The following DMD variants were observed in gnomAD, a reference collection of about 807,000 sequenced individuals.
DMD encodes mutant dystrophin.
In DMD, 63 loss-of-function variants were observed where a neutral mutation model predicts 330.1. The ratio of observed to expected loss-of-function variants is 0.19; its 90% CI spans 0.16 to 0.24. DMD has a LOEUF of 0.24. Ranked by LOEUF, DMD falls within the 10% of genes least tolerant of loss-of-function variation. DMD has a pLI of 1.00. For missense variants in DMD, 3,344 were observed against 2,684.1 expected (o/e 1.25, Z -5.43); for synonymous variants, 1,223 against 959.8 (o/e 1.27, Z -5.07).
intron 16 of DMD, among the ~76,000 whole-genome samples, chrX:32,557,207 G>A (rs2050401184): frequency 1.8e-5 from 2 of 111,373 alleles, no homozygotes; most frequent in African/African-American, 6.5e-5. Context: ...ATCCAAGTCT[G>A]AATGTTCATT....
intron 1 of DMD, among the ~76,000 whole-genome samples, chrX:33,188,470 A>T (rs924126169): frequency 1.6e-4 from 18 of 110,259 alleles, no homozygotes; most frequent in African/African-American, 5.6e-4. Flanking sequence ...CACTACAATC[A>T]TACTGACAGC....
At chrX:32,450,998 G>A (rs1418683990) in intron 26 of DMD, among the ~76,000 whole-genome samples, 2 of 110,857 alleles carry the variant, frequency 1.8e-5, no homozygotes, top group Non-Finnish European at 3.8e-5. Context: ...TAAATGACTG[G>A]TACAGTTTCT....
At chrX:32,259,427 C>G (rs192141085) in intron 43 of DMD, among the ~76,000 whole-genome samples, 1 of 110,684 alleles carries the variant, frequency 9.0e-6, no homozygotes, top group African/African-American at 3.3e-5. Context: ...TTTACTTCAA[C>G]GTTGTAAATT....
At chrX:33,060,257 G>A (rs2094566473) in intron 1 of DMD, among the ~76,000 whole-genome samples, 1 of 111,048 alleles carries the variant, frequency 9.0e-6, no homozygotes, top group African/African-American at 3.3e-5. Context: ...ATGGGTAAGG[G>A]AGACTCCTGC....
At position 32,005,188 on chromosome X, in the gene DMD, C is replaced by T. The variant is rs952758578; in HGVS notation, c.6439-36674G>A. On this transcript the variant is annotated intron_variant, in intron 44 of 78. Transcript: ENST00000357033. Reference sequence around the variant, plus strand: ...TCTTACCTTATCTCCCAGAGCATATCTAGCCTTTCCAACATGGCTCCCAGT... The same window carrying T: ...TCTTACCTTATCTCCCAGAGCATATTTAGCCTTTCCAACATGGCTCCCAGT... 4.5e-5 allele frequency among the ~76,000 whole-genome samples: 5 copies of T among 111,871 alleles called. No homozygotes were observed. The South Asian group carries it at 1.9e-3, about 42-fold the overall frequency.
intron 17 of DMD, among the ~76,000 whole-genome samples, chrX:32,533,652 T>C (rs761227844): frequency 8.9e-6 from 1 of 112,381 alleles, no homozygotes; most frequent in South Asian, 3.7e-4. Flanking sequence ...TGGAGTGTTT[T>C]ACATACCATA....
intron 60 of DMD, among the ~76,000 whole-genome samples, chrX:31,376,894 G>GA (rs775804794): frequency 6.3e-5 from 7 of 111,725 alleles, no homozygotes; most frequent in Non-Finnish European, 1.3e-4. Context: ...AGAGAGCTTG[G>GA]TCCCCTGGAA....
At chrX:31,642,343 A>G (rs2079817796) in intron 54 of DMD, among the ~76,000 whole-genome samples, 2 of 112,229 alleles carry the variant, frequency 1.8e-5, no homozygotes, top group South Asian at 7.4e-4. Context: ...GGAAACTGAA[A>G]TAGAAATCCT....
At chrX:33,317,332 A>G (rs953832771) in intron 1 of DMD, among the ~76,000 whole-genome samples, 2 of 111,606 alleles carry the variant, frequency 1.8e-5, no homozygotes, top group East Asian at 2.8e-4. Flanking sequence ...TATTAAGTGT[A>G]TATTATTATA....
At position 31,866,972 on chromosome X, in the gene DMD, G is replaced by A. The variant is rs1373566057; in HGVS notation, c.7098+8216C>T. Among the ~76,000 whole-genome samples, 5 of 110,555 alleles carry A rather than the reference G, an allele frequency of 4.5e-5. No individual in the cohort carries two copies. In the Admixed American group the frequency reaches 4.8e-4, roughly 11 times the overall value. ...TTACAAATGACCCTTAGTATCAACA[G>A]TGTATTGATCAAAAATGAGTTGTAG... On this transcript the variant is annotated intron_variant, in intron 48 of 78. Transcript: ENST00000357033.
At chrX:31,200,094 T>C (rs1300919085) in intron 67 of DMD, among the ~76,000 whole-genome samples, 2 of 112,217 alleles carry the variant, frequency 1.8e-5, no homozygotes, top group African/African-American at 6.5e-5. Context: ...GCTAAAACGC[T>C]GAGAGGCTCC....
chrX:33,150,126 G>A (rs749332908), intron 1 of DMD, among the ~76,000 whole-genome samples: 2 of 110,168 alleles, frequency 1.8e-5, no homozygotes, highest in Admixed American at 9.8e-5. Flanking sequence ...TTTGGGAGAG[G>A]GATATTAGAA....
At chrX:31,429,232 A>T (rs1334198128) in intron 60 of DMD, among the ~76,000 whole-genome samples, 3 of 112,099 alleles carry the variant, frequency 2.7e-5, no homozygotes, top group Non-Finnish European at 5.6e-5. Flanking sequence ...TCACCCTAGA[A>T]CTTACTGGCT....
intron 54 of DMD, among the ~76,000 whole-genome samples, chrX:31,656,865 C>G (rs759830352): frequency 1.2e-4 from 13 of 111,477 alleles, no homozygotes; most frequent in Non-Finnish European, 2.5e-4. Flanking sequence ...ATGGTCTTTT[C>G]CATCTATACA....
At chrX:32,651,316 T>C (rs1186338589) in intron 9 of DMD, among the ~76,000 whole-genome samples, 6 of 109,737 alleles carry the variant, frequency 5.5e-5, no homozygotes, top group Non-Finnish European at 1.1e-4. Flanking sequence ...CTAATTTTTA[T>C]ATTTTTAATA....
At chrX:32,731,628 G>T (rs945181895) in intron 7 of DMD, among the ~76,000 whole-genome samples, 5 of 112,027 alleles carry the variant, frequency 4.5e-5, no homozygotes, top group African/African-American at 1.3e-4. Flanking sequence ...ACCCTAACTG[G>T]GAGGCACTCC....
intron 47 of DMD, among the ~76,000 whole-genome samples, chrX:31,908,448 C>G (rs2094504814): frequency 9.1e-6 from 1 of 110,012 alleles, no homozygotes; most frequent in Admixed American, 9.8e-5. Flanking sequence ...AACCAACATT[C>G]TGAGCAAACT....
intron 6 of DMD, 105 bp downstream of exon 6, chrX:32,816,363 G>A: frequency 1.9e-5 from 17 of 875,544 alleles, no homozygotes; most frequent in Non-Finnish European, 2.5e-5. Flanking sequence ...TACATAACAT[G>A]TTGTAAAGTA....
intron 1 of DMD, among the ~76,000 whole-genome samples, chrX:33,108,555 C>A (rs1280498063): frequency 1.8e-5 from 2 of 108,460 alleles, no homozygotes; most frequent in Non-Finnish European, 3.8e-5. Context: ...CATGATCCAC[C>A]GTGCTGGGCC....
Sources: allele counts gnomAD v4.1 joint callset (sites outside exome capture counted in the v4.1 genomes callset), GRCh38; gene constraint gnomAD v4.1.1; transcripts MANE v1.5; gene names NCBI Gene and HGNC (gene_info 2026-07-23, HGNC 2026-07-21).